Variants in ELMO1 observed in about 807,000 individuals in gnomAD.
ELMO1 encodes the protein engulfment and cell motility protein 1.
ELMO1 carries 26 observed loss-of-function variants against 98.9 expected under a neutral mutation model. The ratio of observed to expected loss-of-function variants is 0.26; its 90% CI spans 0.19 to 0.36. The LOEUF (loss-of-function observed/expected upper bound fraction) is 0.36, where lower values mean the gene tolerates loss of function less well. Ranked by LOEUF, ELMO1 falls within the 10% of genes least tolerant of loss-of-function variation. ELMO1 has a pLI of 1.00. For missense variants in ELMO1, 627 were observed against 935.2 expected (o/e 0.67, Z 4.30); for synonymous variants, 346 against 346.0 (o/e 1.00, Z 0.00).
At chr7:37,253,086 G>A (rs1795446001) in intron 6 of ELMO1, among the ~76,000 whole-genome samples, 1 of 152,216 alleles carries the variant, frequency 6.6e-6, no homozygotes. Context: ...AACAGATGCT[G>A]AAGAGGATGT....
At chr7:36,975,232 G>A (rs904365177) in intron 16 of ELMO1, among the ~76,000 whole-genome samples, 4 of 152,182 alleles carry the variant, frequency 2.6e-5, no homozygotes, top group African/African-American at 9.7e-5. Flanking sequence ...CACTTTGGGA[G>A]GCCAAGGTAG....
intron 18 of ELMO1, among the ~76,000 whole-genome samples, chr7:36,879,157 G>A (rs1248923506): frequency 1.3e-5 from 2 of 152,230 alleles, no homozygotes; most frequent in Non-Finnish European, 2.9e-5. Flanking sequence ...AGGAGAAGAG[G>A]ACTCCAGCCC....
intron 16 of ELMO1, among the ~76,000 whole-genome samples, chr7:36,969,911 G>A (rs759926412): frequency 4.0e-5 from 6 of 150,792 alleles, no homozygotes; most frequent in Admixed American, 6.6e-5. Context: ...TATTGTAAGG[G>A]GTTTTATTTT....
intron 15 of ELMO1, among the ~76,000 whole-genome samples, chr7:37,067,397 A>T (rs1330866038): frequency 6.6e-6 from 1 of 152,222 alleles, no homozygotes; most frequent in Admixed American, 6.5e-5. Flanking sequence ...AAAATATCTA[A>T]ACGTATGTGC....
At chr7:37,321,656 G>A (rs1284768522) in intron 2 of ELMO1, among the ~76,000 whole-genome samples, 1 of 138,722 alleles carries the variant, frequency 7.2e-6, no homozygotes. Flanking sequence ...GGCGGAGCTT[G>A]CAGTGAGCCG....
At chr7:36,944,285 T>TA (rs1471724119) in intron 16 of ELMO1, among the ~76,000 whole-genome samples, 1 of 152,218 alleles carries the variant, frequency 6.6e-6, no homozygotes, top group African/African-American at 2.4e-5. Flanking sequence ...CACCTGACAC[T>TA]AGGCTGCTTC....
chr7:37,122,137 C>T (rs953771206), intron 14 of ELMO1, among the ~76,000 whole-genome samples: 3 of 152,078 alleles, frequency 2.0e-5, no homozygotes, highest in Non-Finnish European at 4.4e-5. Flanking sequence ...CTGAAGGAAG[C>T]ACTAAACATG....
chr7:37,211,151 C>A (rs111652173), intron 13 of ELMO1: 6 of 499,812 alleles, frequency 1.2e-5, no homozygotes, highest in African/African-American at 7.7e-5. Context: ...TACACTTAAT[C>A]AGAACTGAAT....
intron 14 of ELMO1, among the ~76,000 whole-genome samples, chr7:37,129,879 A>G (rs1786789161): frequency 6.6e-6 from 1 of 152,050 alleles, no homozygotes; most frequent in African/African-American, 2.4e-5. Flanking sequence ...GAAGTAGCAC[A>G]TTTGCCTCAC....
At chr7:37,347,797 T>C (rs1041552775) in intron 1 of ELMO1, among the ~76,000 whole-genome samples, 4 of 152,172 alleles carry the variant, frequency 2.6e-5, no homozygotes, top group African/African-American at 9.7e-5. Context: ...AGATTACCGA[T>C]GATCAGGGCA....
chr7:36,991,717 T>C (rs545167275), intron 16 of ELMO1, among the ~76,000 whole-genome samples: 1 of 152,300 alleles, frequency 6.6e-6, no homozygotes, highest in Non-Finnish European at 1.5e-5. Flanking sequence ...ACACTGTCAC[T>C]TTATCTTTTG....
At chr7:37,155,831 A>C (rs924947881) in intron 13 of ELMO1, among the ~76,000 whole-genome samples, 3 of 152,184 alleles carry the variant, frequency 2.0e-5, no homozygotes, top group African/African-American at 7.2e-5. Context: ...GACCTAATAG[A>C]CATTTACAGA....
chr7:37,220,316 T>TA (rs1245851373), intron 10 of ELMO1, among the ~76,000 whole-genome samples: 1 of 152,234 alleles, frequency 6.6e-6, no homozygotes, highest in Non-Finnish European at 1.5e-5. Flanking sequence ...GCAAGTAAAT[T>TA]AAATACCTTG....
intron 14 of ELMO1, among the ~76,000 whole-genome samples, chr7:37,109,885 C>T (rs1032718994): frequency 1.3e-5 from 2 of 152,216 alleles, no homozygotes; most frequent in African/African-American, 2.4e-5. Context: ...ATGCATGGGA[C>T]ATTTCTCTTA....
At chr7:37,071,134 GGTAA>G (rs1373640019) in intron 15 of ELMO1, among the ~76,000 whole-genome samples, 1 of 152,078 alleles carries the variant, frequency 6.6e-6, no homozygotes, top group Non-Finnish European at 1.5e-5. Context: ...ATCAAAAAAG[GGTAA>G]GTTTTACTGT....
chr7:37,189,101 A>C (rs1414557083), intron 13 of ELMO1, among the ~76,000 whole-genome samples: 2 of 152,266 alleles, frequency 1.3e-5, no homozygotes, highest in Non-Finnish European at 2.9e-5. Context: ...CAACATATAC[A>C]TTCAAAAATA....
intron 14 of ELMO1, among the ~76,000 whole-genome samples, chr7:37,110,333 C>G (rs73335567): frequency 0.068 from 10,286 of 152,236 alleles, 588 homozygotes; most frequent in African/African-American, 0.14. Context: ...ACCAGCCTCA[C>G]TCTCAGCTTC....
intron 15 of ELMO1, among the ~76,000 whole-genome samples, chr7:37,058,536 G>A (rs1054995369): frequency 1.3e-5 from 2 of 152,250 alleles, no homozygotes; most frequent in East Asian, 3.9e-4. Context: ...GAGGGAATCT[G>A]TCCAGGCTTT....
intron 4 of ELMO1, among the ~76,000 whole-genome samples, chr7:37,288,167 C>T (rs978129899): frequency 4.6e-5 from 7 of 151,810 alleles, no homozygotes; most frequent in Admixed American, 2.0e-4. Context: ...ACCATGTTGG[C>T]CAGGTGGGTC....
Sources: allele counts gnomAD v4.1 joint callset (sites outside exome capture counted in the v4.1 genomes callset), GRCh38; gene constraint gnomAD v4.1.1; transcripts MANE v1.5; gene names NCBI Gene and HGNC (gene_info 2026-07-23, HGNC 2026-07-21).